The following SPTBN4 variants were observed in gnomAD, a reference collection of about 807,000 sequenced individuals.
SPTBN4 encodes spectrin beta, non-erythrocytic 4.
A neutral mutation model predicts 277.8 loss-of-function variants in SPTBN4; 96 were observed. The ratio of observed to expected loss-of-function variants is 0.35; its 90% CI spans 0.29 to 0.41. SPTBN4 has a LOEUF of 0.41. Among genes scored for constraint, SPTBN4 ranks in the 10% least tolerant of loss-of-function variants. The pLI is 1.00. For synonymous variants in SPTBN4, 1,481 were observed against 1,580.3 expected (o/e 0.94, Z 1.49); for missense variants, 3,006 against 3,595.7 (o/e 0.84, Z 4.19).
chr19:40,556,021 G>C lies in SPTBN4; in HGVS notation c.5085-63G>C, dbSNP rs571266880. 8.0e-5 allele frequency: 117 copies of C among 1,458,010 alleles called. No individual in the cohort carries two copies. In the Middle Eastern group the frequency reaches 1.2e-3, roughly 15 times the overall value. 90.3% of individuals were successfully genotyped at this position (1,458,010 alleles called of 1,614,324 possible). A position where few individuals can be genotyped will look rare whatever the true frequency, so the allele number is the denominator to read the frequency against. ...CCCTGTCCTGGGGAGGGGGTTTAGG[G>C]GGGTCACGCTCTGCCCCAGAAGTCT... On this transcript the variant is annotated intron_variant, in intron 24 of 35. Transcript: ENST00000598249.
intron 20 of SPTBN4, among the ~76,000 whole-genome samples, chr19:40,543,081 G>A (rs1471986011): frequency 6.6e-6 from 1 of 152,094 alleles, no homozygotes; most frequent in African/African-American, 2.4e-5. Context: ...CAGGATGCCC[G>A]GCCTACCTCC....
chr19:40,559,649 G>A lies in SPTBN4; in HGVS notation c.5671-510G>A, dbSNP rs2081021648. Among the ~76,000 whole-genome samples, 3 of 152,104 alleles carry A rather than the reference G, an allele frequency of 2.0e-5. No individual in the cohort carries two copies. In the South Asian group the frequency reaches 6.2e-4, roughly 31 times the overall value. On this transcript the variant is annotated intron_variant, in intron 26 of 35. Transcript: ENST00000598249. ...GGCAACAGAGCAAGACCCTGTCTCA[G>A]AAAAACAAACAAAAAACCCAAAACC...
intron 17 of SPTBN4, among the ~76,000 whole-genome samples, chr19:40,526,980 A>G (rs960686370): frequency 1.3e-5 from 2 of 152,172 alleles, no homozygotes; most frequent in Admixed American, 1.3e-4. Context: ...AGGCCTGGAA[A>G]GATTGATTTC....
rs749306348 is a variant in SPTBN4, at chr19:40,497,514, C to A, written c.694C>A (p.Leu232Ile). The change falls in exon 7 of 36, where the codon CTC (leucine) becomes ATC (isoleucine). Residue 232 changes from leucine to isoleucine, a missense_variant. By Grantham distance (5) the Leu-to-Ile change is conservative (BLOSUM62 2). Transcript: ENST00000598249. ...HRPDLVDFSKLTKSNANYNLQ... is the reference protein window; with the variant it reads ...HRPDLVDFSKITKSNANYNLQ... ...GCCTGATCTCGTGGACTTCAGCAAA[C>A]TCACCAAGTCCAATGCCAACTACAA... 3.7e-6 allele frequency: 6 copies of A among 1,614,048 alleles called. No homozygotes were observed. The East Asian group carries it at 1.3e-4, about 36-fold the overall frequency.
chr19:40,501,899 C>T (rs2080266881), intron 7 of SPTBN4, 22 bp from the exon 8 acceptor site: 3 of 1,607,710 alleles, frequency 1.9e-6, no homozygotes, highest in Admixed American at 1.7e-5. Context: ...TGTCTTGTTT[C>T]CCCACTCCCT....
rs978274937 is a variant in SPTBN4, at chr19:40,512,943, C to T, written c.2154C>T (p.Ala718=). Residue 718 remains alanine, a synonymous_variant, in exon 14 of 36, where the codon GCC becomes GCT. Transcript: ENST00000598249. ...LGGRRALLQQ[A]LRCGEELVAA... ...GGCGGCGAGCGTTGCTGCAGCAGGC[C>T]CTGCGGTGTGGCGAGGAGCTGGTTG... The T allele has an allele frequency of 7.0e-7, 1 of 1,419,222 alleles. No homozygotes were observed. The highest frequency in any genetic ancestry group is 9.1e-7 in the Non-Finnish European group (1 of 1,097,956). 87.9% of individuals were successfully genotyped at this position (1,419,222 alleles called of 1,614,324 possible). A position where few individuals can be genotyped will look rare whatever the true frequency, so the allele number is the denominator to read the frequency against.
At chr19:40,557,457 A>G in intron 26 of SPTBN4, 54 bp downstream of exon 26, 1 of 1,493,236 alleles carries the variant, frequency 6.7e-7, no homozygotes, top group South Asian at 1.4e-5. Flanking sequence ...AGCTGTGGGC[A>G]GCAGAGTGGG....
intron 33 of SPTBN4, chr19:40,570,992 A>G: frequency 2.1e-6 from 1 of 483,124 alleles, no homozygotes; most frequent in Non-Finnish European, 3.7e-6. Flanking sequence ...CTCAACTTTG[A>G]TGATTCCAAC....
intron 20 of SPTBN4, among the ~76,000 whole-genome samples, chr19:40,544,981 G>A (rs1057448743): frequency 6.6e-6 from 1 of 151,662 alleles, no homozygotes; most frequent in African/African-American, 2.4e-5. Context: ...CTCTCTTGAT[G>A]GGCATTGAGG....
intron 17 of SPTBN4, among the ~76,000 whole-genome samples, chr19:40,525,219 G>C (rs887287167): frequency 1.3e-5 from 2 of 152,050 alleles, no homozygotes; most frequent in African/African-American, 4.8e-5. Context: ...AAGGCAGCAT[G>C]CTTCTAAAGG....
Position 40,554,061 on chromosome 19 carries a change from C to T in SPTBN4, c.4675-86C>T, listed in dbSNP as rs1296896295. ...GGGTGCTTGTTAATTGCCCCGTGGG[C>T]CGTGCCAGTAGCAGAGGAGCGTGTG... On this transcript the variant is annotated intron_variant, in intron 22 of 35. Coordinates refer to ENST00000598249, the MANE Select transcript of SPTBN4 (RefSeq NM_020971.3). This position sits in a 1 kb window ranked among gnomAD's most constrained non-coding sequence, Gnocchi z 5.7. 7.7e-7 allele frequency: 1 copy of T among 1,307,074 alleles called. No homozygotes were observed. The highest frequency in any genetic ancestry group is 9.9e-7 in the Non-Finnish European group (1 of 1,011,366). The allele number at this position is 1,307,074 out of a possible 1,614,324, so 81.0% of individuals were successfully genotyped here.
chr19:40,556,407 A>G, intron 25 of SPTBN4, 119 bp downstream of exon 25: 3 of 879,406 alleles, frequency 3.4e-6, no homozygotes, highest in East Asian at 5.3e-5. Context: ...CTGCTGTGAG[A>G]CAAATGAGTT....
At chr19:40,540,052 G>A (rs956072353) in intron 20 of SPTBN4, among the ~76,000 whole-genome samples, 12 of 151,320 alleles carry the variant, frequency 7.9e-5, no homozygotes, top group African/African-American at 1.9e-4. Flanking sequence ...TCAGCCTCCC[G>A]AGTAGCTGGG....
At chr19:40,551,891 G>A (rs1341991437) in intron 22 of SPTBN4, among the ~76,000 whole-genome samples, 1 of 152,134 alleles carries the variant, frequency 6.6e-6, no homozygotes, top group Admixed American at 6.5e-5. Context: ...CTACCTGGGA[G>A]GCTGAGGCAG....
Position 40,570,685 on chromosome 19 carries a change from C to T in SPTBN4, c.7276C>T (p.Leu2426=), listed in dbSNP as rs1172044051. 3 of 1,606,928 alleles carry T rather than the reference C, an allele frequency of 1.9e-6. No homozygotes were observed. Among genetic ancestry groups the T allele is most frequent in the South Asian group, 1.1e-5 (1 of 90,208 alleles). Residue 2426 remains leucine, a synonymous_variant, in exon 33 of 36, where the codon CTG becomes TTG. Transcript: ENST00000598249. The part of the protein sequence containing the change: ...THTVQHEGFL[L]RKRELDANRK... ...CACAGTGCAGCACGAGGGCTTCCTA[C>T]TGCGCAAGCGCGAGCTCGACGCTAA...
intron 18 of SPTBN4, among the ~76,000 whole-genome samples, chr19:40,532,150 T>G (rs1265410802): frequency 6.6e-6 from 1 of 151,452 alleles, no homozygotes; most frequent in East Asian, 1.9e-4. Context: ...TTGATACCCT[T>G]GGGAATGGGT....
intron 13 of SPTBN4, among the ~76,000 whole-genome samples, chr19:40,506,794 A>G (rs7258633): frequency 0.23 from 35,491 of 151,948 alleles, 4,286 homozygotes; most frequent in African/African-American, 0.26. Context: ...CCTGGCCAAC[A>G]TAGAAAGACA....
At chr19:40,545,509 A>C (rs534766688) in intron 20 of SPTBN4, among the ~76,000 whole-genome samples, 2 of 152,294 alleles carry the variant, frequency 1.3e-5, no homozygotes. Flanking sequence ...AGGCTCTACC[A>C]ATTTATGCCA....
At chr19:40,571,188 G>A (rs1031036717) in intron 33 of SPTBN4, 2 of 160,040 alleles carry the variant, frequency 1.2e-5, no homozygotes, top group Admixed American at 1.3e-4. Flanking sequence ...AGGTTTCAAT[G>A]GCTTGTCGTG....
Sources: allele counts gnomAD v4.1 joint callset (sites outside exome capture counted in the v4.1 genomes callset), GRCh38; gene constraint gnomAD v4.1.1; non-coding constraint Gnocchi (gnomAD v3.1); transcripts MANE v1.5; gene names NCBI Gene and HGNC (gene_info 2026-07-23, HGNC 2026-07-21).